Variants in HIVEP3 observed in about 807,000 individuals in gnomAD.
The protein encoded by HIVEP3 is transcription factor HIVEP3.
HIVEP3 carries 49 observed loss-of-function variants against 152.8 expected under a neutral mutation model. The observed-to-expected ratio is 0.32, with a 90% CI of 0.26 to 0.41. The LOEUF is 0.41. Among genes scored for constraint, HIVEP3 ranks in the 10% least tolerant of loss-of-function variants. HIVEP3 has a pLI of 1.00. For synonymous variants in HIVEP3, 1,269 were observed against 1,289.0 expected (o/e 0.98, Z 0.33); for missense variants, 2,790 against 3,103.3 (o/e 0.90, Z 2.40).
chr1:41,621,364 C>T (rs926804329), intron 3 of HIVEP3, among the ~76,000 whole-genome samples: 1 of 152,238 alleles, frequency 6.6e-6, no homozygotes, highest in African/African-American at 2.4e-5. Flanking sequence ...TCTAAGCTTC[C>T]TCACCACCCC....
chr1:41,986,170 T>C (rs1385695717), intron 1 of HIVEP3, among the ~76,000 whole-genome samples: 1 of 152,150 alleles, frequency 6.6e-6, no homozygotes, highest in Non-Finnish European at 1.5e-5. Context: ...CCTTTCAGAA[T>C]CTAATATGTA....
At chr1:41,693,974 C>T (rs1646234647) in intron 2 of HIVEP3, among the ~76,000 whole-genome samples, 1 of 152,236 alleles carries the variant, frequency 6.6e-6, no homozygotes, top group Non-Finnish European at 1.5e-5. Context: ...TCTGGGCTCT[C>T]TGTTCCTTGA....
intron 1 of HIVEP3, among the ~76,000 whole-genome samples, chr1:41,771,396 G>A (rs1337412919): frequency 6.6e-6 from 1 of 152,144 alleles, no homozygotes; most frequent in South Asian, 2.1e-4. Context: ...ATAATAATAG[G>A]AGAAAAGAAG....
Position 41,581,018 on chromosome 1 carries a change from C to G in HIVEP3, c.3780G>C (p.Gln1260His). ...LPGDVESHLP[Q>H]IKTSLAPLAT... ...CCAGTGGGGCCAGGCTGGTTTTGATCTGGGGCAGATGGCTTTCCACATCAC... is the reference window on the plus strand; with the variant it reads ...CCAGTGGGGCCAGGCTGGTTTTGATGTGGGGCAGATGGCTTTCCACATCAC... The change falls in exon 4 of 9, where the codon CAG becomes CAC. Residue 1260 changes from glutamine (Q) to histidine (H), a missense_variant. Coordinates refer to ENST00000372583, the MANE Select transcript of HIVEP3 (RefSeq NM_024503.5). The surrounding 1 kb of genome is among the most constrained non-coding windows in gnomAD (Gnocchi z 4.5). The G allele has an allele frequency of 2.6e-6, 4 of 1,561,262 alleles. No individual in the cohort carries two copies. The highest frequency in any genetic ancestry group is 3.5e-6 in the Non-Finnish European group (4 of 1,153,898).
chr1:41,575,724 G>A, intron 4 of HIVEP3, 35 bp from the exon 5 acceptor site: 1 of 1,608,704 alleles, frequency 6.2e-7, no homozygotes, highest in Non-Finnish European at 8.5e-7. Flanking sequence ...ATCATTGCTG[G>A]TTAAAAGTGC....
chr1:41,808,568 C>T (rs775917339), intron 1 of HIVEP3, among the ~76,000 whole-genome samples: 12 of 152,164 alleles, frequency 7.9e-5, no homozygotes, highest in Admixed American at 2.6e-4. Flanking sequence ...CTATTCCAGG[C>T]GGCCAGGCCA....
chr1:41,729,812 C>A (rs911722490), intron 1 of HIVEP3, among the ~76,000 whole-genome samples: 1 of 152,112 alleles, frequency 6.6e-6, no homozygotes, highest in African/African-American at 2.4e-5. Flanking sequence ...TTGAAAGGTG[C>A]GAGGTGCTGG....
chr1:41,638,307 G>T (rs1482860464), intron 2 of HIVEP3, among the ~76,000 whole-genome samples: 1 of 102,440 alleles, frequency 9.8e-6, no homozygotes, highest in African/African-American at 4.3e-5. Context: ...GAGAGAGAAA[G>T]AAAGGAAAAG....
At position 42,009,231 on chromosome 1, in the gene HIVEP3, C is replaced by T. The variant is rs908979344; in HGVS notation, n.119+26576G>A. On this transcript the variant is annotated intron_variant and non_coding_transcript_variant, in intron 1 of 3. Transcript: ENST00000489103. ...CATTGTCTACTGGTATCTATTGTATCGATTACTGAAGTAATATGTGAATCT... is the reference window on the plus strand; with the variant it reads ...CATTGTCTACTGGTATCTATTGTATTGATTACTGAAGTAATATGTGAATCT... 2.6e-5 allele frequency among the ~76,000 whole-genome samples: 4 copies of T among 152,286 alleles called. No homozygotes were observed. In the South Asian group the frequency reaches 6.2e-4, roughly 24 times the overall value.
At chr1:41,840,559 T>G (rs1643257172) in intron 1 of HIVEP3, among the ~76,000 whole-genome samples, 1 of 152,172 alleles carries the variant, frequency 6.6e-6, no homozygotes, top group Non-Finnish European at 1.5e-5. Context: ...TTTCTGGTGT[T>G]TTAAGCCATC....
chr1:41,720,491 G>A (rs1279312921), intron 1 of HIVEP3, among the ~76,000 whole-genome samples: 2 of 152,226 alleles, frequency 1.3e-5, no homozygotes, highest in East Asian at 1.9e-4. Flanking sequence ...CCTATTATGT[G>A]TGATTCCTAT....
At chr1:42,020,657 A>C (rs1445673625) in intron 1 of HIVEP3, among the ~76,000 whole-genome samples, 1 of 152,194 alleles carries the variant, frequency 6.6e-6, no homozygotes, top group East Asian at 1.9e-4. Context: ...AAAAATATGT[A>C]TTGGCTCAAA....
intron 2 of HIVEP3, among the ~76,000 whole-genome samples, chr1:41,667,859 T>C (rs184626363): frequency 6.6e-6 from 1 of 152,208 alleles, no homozygotes; most frequent in Non-Finnish European, 1.5e-5. Flanking sequence ...AGTCACTCAA[T>C]AAAGAAGCCC....
intron 1 of HIVEP3, among the ~76,000 whole-genome samples, chr1:42,019,597 C>T (rs556073213): frequency 4.1e-4 from 63 of 151,930 alleles, no homozygotes; most frequent in African/African-American, 1.5e-3. Flanking sequence ...TCCAGTACCC[C>T]TGCTTAAATT....
intron 1 of HIVEP3, among the ~76,000 whole-genome samples, chr1:41,945,832 C>G (rs1259998812): frequency 6.6e-6 from 1 of 152,212 alleles, no homozygotes; most frequent in Non-Finnish European, 1.5e-5. Context: ...GGAAGCATAG[C>G]TCTCTGTCAC....
Position 41,584,589 on chromosome 1 carries a change from G to A in HIVEP3, c.209C>T (p.Ser70Phe). ...CTGCTGCTGGCCCGTTTTCTCCTGA[G>A]AGCCTTCCCTAAGAACTGATGAGGG... ...PGPSSVLREG[S>F]QEKTGQQQKP... The change falls in exon 4 of 9, where the codon TCT becomes TTT. Residue 70 changes from serine to phenylalanine, a missense_variant. Ser to Phe is a radical substitution (Grantham distance 155, BLOSUM62 -2). Transcript: ENST00000372583. This position sits in a 1 kb window ranked among gnomAD's most constrained non-coding sequence, Gnocchi z 5.2. 1 of 1,614,014 alleles carries A rather than the reference G, an allele frequency of 6.2e-7. No homozygotes were observed. The highest frequency in any genetic ancestry group is 8.5e-7 in the Non-Finnish European group (1 of 1,179,924).
chr1:41,518,830 T>TTC (rs1384788070), intron 6 of HIVEP3, among the ~76,000 whole-genome samples: 2 of 151,574 alleles, frequency 1.3e-5, no homozygotes, highest in Non-Finnish European at 3.0e-5. Context: ...TTTTTTTTTT[T>TTC]TTTTGCTTCT....
At chr1:41,962,343 G>A (rs1645173821) in intron 1 of HIVEP3, among the ~76,000 whole-genome samples, 1 of 152,212 alleles carries the variant, frequency 6.6e-6, no homozygotes, top group Non-Finnish European at 1.5e-5. Context: ...CCTGGAACCA[G>A]TGGTTTGAAA....
chr1:41,898,595 G>T (rs114576311), intron 1 of HIVEP3, among the ~76,000 whole-genome samples: 2 of 152,174 alleles, frequency 1.3e-5, no homozygotes, highest in Non-Finnish European at 2.9e-5. Flanking sequence ...GCACACGTGC[G>T]TGCACACACA....
Sources: allele counts gnomAD v4.1 joint callset (sites outside exome capture counted in the v4.1 genomes callset), GRCh38; gene constraint gnomAD v4.1.1; non-coding constraint Gnocchi (gnomAD v3.1); transcripts MANE v1.5; gene names NCBI Gene and HGNC (gene_info 2026-07-23, HGNC 2026-07-21).